AFF3: variants seen among roughly 807,000 people sequenced by gnomAD.
The protein encoded by AFF3 is AF4/FMR2 family member 3.
In AFF3, 32 loss-of-function variants were observed where a neutral mutation model predicts 129.7. That is an observed-to-expected ratio of 0.25 (90% CI 0.19 to 0.33). The LOEUF (loss-of-function observed/expected upper bound fraction) is 0.33. Ranked by LOEUF, AFF3 falls within the 10% of genes least tolerant of loss-of-function variation. The probability of loss-of-function intolerance (pLI) is 1.00; values close to 1 mark genes in which losing one functional copy is unlikely to be tolerated. For missense variants in AFF3, 1,373 were observed against 1,592.0 expected, an observed-to-expected ratio of 0.86 and a Z score of 2.34; for synonymous variants, 644 against 635.4, an observed-to-expected ratio of 1.01 and a Z score of -0.20.
chr2:100,027,972 C>T (rs1055346613), intron 4 of AFF3, among the ~76,000 whole-genome samples: 2 of 152,114 alleles, frequency 1.3e-5, no homozygotes, highest in African/African-American at 4.8e-5. Context: ...TGTCCATTTA[C>T]AATCCATGTG....
At position 100,056,063 on chromosome 2, in the gene AFF3, T is replaced by TCACACA. The variant is rs369771394; in HGVS notation, c.54-47137_54-47132dup. 8.2e-3 allele frequency among the ~76,000 whole-genome samples: 985 copies of TCACACA among 120,504 alleles called. 20 individuals carry two copies. The highest frequency in any genetic ancestry group is 0.03 in the African/African-American group (901 of 30,516). The allele number at this position is 120,504 out of a possible 152,430, so 79.1% of individuals were successfully genotyped here. On this transcript the variant is annotated intron_variant, in intron 4 of 24. Coordinates refer to ENST00000672756, the MANE Select transcript of AFF3 (RefSeq NM_001386135.1). ...AAAAAAAAAAATCGCTGTCTCTCTC[T>TCACACA]CACACACACACACACACACACACAC...
At chr2:99,746,433 C>G (rs1421059834) in intron 9 of AFF3, among the ~76,000 whole-genome samples, 2 of 152,054 alleles carry the variant, frequency 1.3e-5, no homozygotes, top group Non-Finnish European at 2.9e-5. Context: ...ATGAGCCAGT[C>G]GGTGGGCAGA....
chr2:100,000,787 C>G (rs1245767431), intron 7 of AFF3, among the ~76,000 whole-genome samples: 1 of 152,192 alleles, frequency 6.6e-6, no homozygotes, highest in African/African-American at 2.4e-5. Flanking sequence ...ACCACTTGCT[C>G]CCCGTCACAC....
chr2:99,620,388 C>A (rs148486376), intron 13 of AFF3, among the ~76,000 whole-genome samples: 1 of 152,134 alleles, frequency 6.6e-6, no homozygotes, highest in Admixed American at 6.5e-5. Flanking sequence ...CAGCACTTTG[C>A]GAGGCCAGGG....
chr2:99,614,703 C>T (rs1681247813), intron 13 of AFF3, among the ~76,000 whole-genome samples: 1 of 152,204 alleles, frequency 6.6e-6, no homozygotes, highest in Non-Finnish European at 1.5e-5. Context: ...AGCATCACTA[C>T]CTGACTACTG....
intron 1 of AFF3, among the ~76,000 whole-genome samples, chr2:100,133,425 A>C (rs1692508916): frequency 6.6e-6 from 1 of 151,830 alleles, no homozygotes; most frequent in Non-Finnish European, 1.5e-5. Context: ...CAGTCATACT[A>C]CACATACTAC....
At chr2:100,043,831 AGTT>A (rs1685621879) in intron 4 of AFF3, among the ~76,000 whole-genome samples, 1 of 152,098 alleles carries the variant, frequency 6.6e-6, no homozygotes, top group Admixed American at 6.5e-5. Context: ...TTTCTGTTGT[AGTT>A]GTTGTTGAGG....
intron 4 of AFF3, among the ~76,000 whole-genome samples, chr2:100,086,321 G>C (rs929134945): frequency 2.0e-5 from 3 of 151,966 alleles, no homozygotes; most frequent in Non-Finnish European, 2.9e-5. Flanking sequence ...AGGAGACTGA[G>C]ACCATCCTGG....
intron 8 of AFF3, among the ~76,000 whole-genome samples, chr2:99,824,184 C>T (rs1017219413): frequency 4.7e-4 from 71 of 151,660 alleles, no homozygotes; most frequent in Admixed American, 3.6e-3. Flanking sequence ...GGTGCGATCT[C>T]GGCTCGCCGC....
intron 4 of AFF3, among the ~76,000 whole-genome samples, chr2:100,072,373 C>G (rs959427897): frequency 6.6e-6 from 1 of 152,116 alleles, no homozygotes; most frequent in African/African-American, 2.4e-5. Flanking sequence ...TGAAACCATC[C>G]CCACCCTCAC....
At chr2:99,939,328 T>C (rs373956970) in intron 7 of AFF3, among the ~76,000 whole-genome samples, 22 of 152,384 alleles carry the variant, frequency 1.4e-4, no homozygotes, top group African/African-American at 5.3e-4. Context: ...TAAATACAAA[T>C]GTTTAATTAA....
chr2:99,747,184 A>G (rs1185700949), intron 9 of AFF3, among the ~76,000 whole-genome samples: 1 of 151,710 alleles, frequency 6.6e-6, no homozygotes, highest in African/African-American at 2.4e-5. Flanking sequence ...ACCTGCCACC[A>G]GGCCCTGCTA....
At position 99,548,412 on chromosome 2, in the gene AFF3, A is replaced by C. The variant is rs1367832879; in HGVS notation, c.*3062T>G. ...TGAGTTTTTACAATGAGTAGATATTACTTTTCTAATTAGAAAACACAAGAA... is the reference window on the plus strand; with the variant it reads ...TGAGTTTTTACAATGAGTAGATATTCCTTTTCTAATTAGAAAACACAAGAA... On this transcript the variant is annotated 3_prime_UTR_variant, in exon 25 of 25. Coordinates refer to ENST00000672756, the MANE Select transcript of AFF3 (RefSeq NM_001386135.1). 5.1e-6 allele frequency: 1 copy of C among 196,340 alleles called. No homozygotes were observed. The highest frequency in any genetic ancestry group is 1.1e-5 in the Non-Finnish European group (1 of 94,514). 12.2% of individuals were successfully genotyped at this position (196,340 alleles called of 1,614,324 possible). A position where few individuals can be genotyped will look rare whatever the true frequency, so the allele number is the denominator to read the frequency against.
intron 11 of AFF3, chr2:99,707,101 T>C (rs1205521766): frequency 2.0e-6 from 2 of 985,284 alleles, no homozygotes; most frequent in Non-Finnish European, 2.4e-6. Context: ...AAAATATTCT[T>C]ACCCCGATGA....
intron 11 of AFF3, among the ~76,000 whole-genome samples, chr2:99,687,999 C>A (rs973045467): frequency 6.6e-6 from 1 of 152,134 alleles, no homozygotes. Flanking sequence ...CCCGCCACCA[C>A]GCCCGGCTAA....
intron 8 of AFF3, among the ~76,000 whole-genome samples, chr2:99,791,042 A>G (rs993998365): frequency 6.6e-6 from 1 of 152,240 alleles, no homozygotes; most frequent in Non-Finnish European, 1.5e-5. Context: ...GAAACCAGGC[A>G]CAAAGAGTAT....
chr2:99,602,707 A>G (rs1679956541), intron 13 of AFF3, among the ~76,000 whole-genome samples: 1 of 152,224 alleles, frequency 6.6e-6, no homozygotes, highest in Admixed American at 6.5e-5. Flanking sequence ...AGGACCGAGC[A>G]TCAATGAAGG....
At position 100,104,495 on chromosome 2, in the gene AFF3, G is replaced by T; in HGVS notation, c.-41C>A. 1 of 1,299,312 alleles carries T rather than the reference G, an allele frequency of 7.7e-7. No individual in the cohort carries two copies. The highest frequency in any genetic ancestry group is 1.4e-5 in the South Asian group (1 of 71,794). 80.5% of individuals were successfully genotyped at this position (1,299,312 alleles called of 1,614,324 possible). Reference sequence around the variant, plus strand: ...CGTCGCCGCCGCCGCTACCGCCGCCGCCGAGGCTCGGGCCGCCCGCGCGCT... The same window carrying T: ...CGTCGCCGCCGCCGCTACCGCCGCCTCCGAGGCTCGGGCCGCCCGCGCGCT... On this transcript the variant is annotated 5_prime_UTR_variant, in exon 4 of 25. Coordinates refer to ENST00000672756, the MANE Select transcript of AFF3 (RefSeq NM_001386135.1).
intron 4 of AFF3, among the ~76,000 whole-genome samples, chr2:100,019,335 T>C (rs1312025296): frequency 6.6e-6 from 1 of 152,158 alleles, no homozygotes; most frequent in African/African-American, 2.4e-5. Flanking sequence ...TTGAACTGAA[T>C]CAACTTACCT....
Sources: allele counts gnomAD v4.1 joint callset (sites outside exome capture counted in the v4.1 genomes callset), GRCh38; gene constraint gnomAD v4.1.1; transcripts MANE v1.5; gene names NCBI Gene and HGNC (gene_info 2026-07-23, HGNC 2026-07-21).